DNAH14: variants seen among roughly 807,000 people sequenced by gnomAD.
The protein encoded by DNAH14 is dynein axonemal heavy chain 14, also known as axonemal beta dynein heavy chain 14.
DNAH14 carries 478 observed loss-of-function variants against 520.9 expected under a neutral mutation model. That is an observed-to-expected ratio of 0.92 (90% CI 0.85 to 0.99). DNAH14 has a LOEUF of 0.99. DNAH14 is among the 50% of genes least tolerant of loss of function. DNAH14 has a pLI of 0.00. For synonymous variants in DNAH14, 1,581 were observed against 1,757.2 expected (o/e 0.90, Z 2.51); for missense variants, 4,831 against 5,234.5 (o/e 0.92, Z 2.38).
intron 56 of DNAH14, among the ~76,000 whole-genome samples, chr1:225,301,966 G>A: frequency 6.6e-6 from 1 of 151,152 alleles, no homozygotes; most frequent in Non-Finnish European, 1.5e-5. Context: ...TACTATATTT[G>A]GTTTATTCAT....
At chr1:225,342,065 A>G (rs941284597) in intron 69 of DNAH14, among the ~76,000 whole-genome samples, 10 of 152,222 alleles carry the variant, frequency 6.6e-5, no homozygotes, top group Non-Finnish European at 1.0e-4. Context: ...AGCTCTCTAC[A>G]CAATTATAAT....
chr1:225,277,913 C>A (rs1034563125), intron 54 of DNAH14, among the ~76,000 whole-genome samples: 2 of 152,116 alleles, frequency 1.3e-5, no homozygotes, highest in Non-Finnish European at 2.9e-5. Flanking sequence ...TAGAGAAAAT[C>A]TTTTGGAAAA....
intron 42 of DNAH14, among the ~76,000 whole-genome samples, chr1:225,231,783 T>A (rs1158160563): frequency 6.6e-6 from 1 of 152,162 alleles, no homozygotes; most frequent in Non-Finnish European, 1.5e-5. Context: ...CAAACCTCCA[T>A]CATTTCTTGC....
rs778318596 is a variant in DNAH14 at position 225,377,462 on chromosome 1, T to C, written c.12716+26T>C. 2.6e-5 allele frequency: 40 copies of C among 1,526,014 alleles called. No individual in the cohort carries two copies. The South Asian group carries it at 4.6e-4, about 18-fold the overall frequency. 94.5% of individuals were successfully genotyped at this position (1,526,014 alleles called of 1,614,324 possible). On this transcript the variant is annotated intron_variant, in intron 79 of 85. Transcript: ENST00000682510. ...GTAAGAACTCGCTAGGAAAAATTGT[T>C]GGTCAAAAATTATCAGGCTGGGTCT...
chr1:225,392,403 C>A lies in DNAH14; in HGVS notation c.13443C>A (p.Phe4481Leu). 6.4e-7 allele frequency: 1 copy of A among 1,552,066 alleles called. No homozygotes were observed. The highest frequency in any genetic ancestry group is 8.7e-7 in the Non-Finnish European group (1 of 1,147,096). The change falls in exon 84 of 86, where the codon TTC becomes TTA. Residue 4481 changes from phenylalanine to leucine, a missense_variant. Physicochemically the swap from Phe to Leu is conservative, Grantham distance 22. Transcript: ENST00000682510. ...ISNTTDKDEKFSVFMPKKLNI... is the reference protein window; with the variant it reads ...ISNTTDKDEKLSVFMPKKLNI... ...ACACCACTGACAAGGATGAGAAGTT[C>A]TCCGTATTTATGCCAAAGAAACTCA...
intron 41 of DNAH14, among the ~76,000 whole-genome samples, chr1:225,224,816 G>A (rs890873498): frequency 9.9e-5 from 15 of 152,276 alleles, no homozygotes; most frequent in Admixed American, 8.5e-4. Flanking sequence ...TGGCCCTGGA[G>A]GCCTATTCTG....
At chr1:225,186,034 CTA>C (rs1161380203) in intron 37 of DNAH14, among the ~76,000 whole-genome samples, 3 of 131,804 alleles carry the variant, frequency 2.3e-5, no homozygotes, top group Non-Finnish European at 3.1e-5. Context: ...ATGTAATAAA[CTA>C]TGTTGATTTA....
Position 225,367,858 on chromosome 1 carries a change from A to G in DNAH14, c.12144A>G (p.Gly4048=). 1 of 1,551,542 alleles carries G rather than the reference A, an allele frequency of 6.4e-7. No homozygotes were observed. The highest frequency in any genetic ancestry group is 8.7e-7 in the Non-Finnish European group (1 of 1,146,864). Reference sequence around the variant, plus strand: ...AAAGTAACTTACTTCAGACATTTGGATGTACTGGGAGTGGAGAGGTAACAG... The same window carrying G: ...AAAGTAACTTACTTCAGACATTTGGGTGTACTGGGAGTGGAGAGGTAACAG... ...GLKSNLLQTF[G]CTGSGEVTEE... Residue 4048 remains glycine, a synonymous_variant, in exon 77 of 86, where the codon GGA becomes GGG. Transcript: ENST00000682510.
At chr1:225,078,843 C>T (rs10915772) in intron 17 of DNAH14, among the ~76,000 whole-genome samples, 1,340 of 51,584 alleles carry the variant, frequency 0.026, 46 homozygotes, top group African/African-American at 0.04. Flanking sequence ...TCTCTCTCTC[C>T]CTCTCTCTCT....
chr1:225,170,346 C>A lies in DNAH14; in HGVS notation c.5535+2318C>A, dbSNP rs557315055. ...TGGCAAATTGGATAAAGAGTCAAGA[C>A]CCATCAGTGTGCTGTATTCAGGAGA... On this transcript the variant is annotated intron_variant, in intron 36 of 85. Coordinates refer to ENST00000682510, the MANE Select transcript of DNAH14 (RefSeq NM_001367479.1). 6.9e-4 allele frequency among the ~76,000 whole-genome samples: 105 copies of A among 152,188 alleles called. 1 individual carries two copies. The highest frequency in any genetic ancestry group is 6.7e-4 in the African/African-American group (28 of 41,516).
intron 54 of DNAH14, among the ~76,000 whole-genome samples, chr1:225,281,954 C>A (rs1238202500): frequency 6.6e-6 from 1 of 151,496 alleles, no homozygotes; most frequent in Non-Finnish European, 1.5e-5. Flanking sequence ...GAGGGTAGAT[C>A]TTAATATTCA....
At chr1:225,127,886 T>A (rs539236375) in intron 27 of DNAH14, among the ~76,000 whole-genome samples, 26 of 152,310 alleles carry the variant, frequency 1.7e-4, no homozygotes, top group South Asian at 1.0e-3. Context: ...CTTCAGGAGC[T>A]CTTTTAGGGC....
At chr1:224,984,245 T>C (rs1168593601) in intron 8 of DNAH14, among the ~76,000 whole-genome samples, 2 of 152,164 alleles carry the variant, frequency 1.3e-5, no homozygotes, top group Non-Finnish European at 2.9e-5. Context: ...CCTGAATACT[T>C]ACAGTCAACT....
At chr1:225,085,407 A>G in intron 20 of DNAH14, 137 bp from the exon 21 acceptor site, 2 of 753,388 alleles carry the variant, frequency 2.7e-6, no homozygotes, top group Non-Finnish European at 4.3e-6. Flanking sequence ...GTTGCTGGTA[A>G]GGATATAAAC....
chr1:225,193,703 A>T (rs552827670), intron 38 of DNAH14, among the ~76,000 whole-genome samples: 80 of 152,290 alleles, frequency 5.3e-4, no homozygotes, highest in Middle Eastern at 3.4e-3. Flanking sequence ...TAGCCAGAGC[A>T]ATCAGGCAAT....
chr1:225,230,069 T>C (rs552452764), intron 41 of DNAH14, among the ~76,000 whole-genome samples: 6 of 152,278 alleles, frequency 3.9e-5, no homozygotes, highest in African/African-American at 1.2e-4. Flanking sequence ...GCTAAAAATA[T>C]CCATATACTC....
chr1:225,077,456 G>A (rs2072436337), intron 17 of DNAH14, among the ~76,000 whole-genome samples: 1 of 151,310 alleles, frequency 6.6e-6, no homozygotes, highest in South Asian at 2.1e-4. Context: ...ATATGAGATT[G>A]GAATTATTTG....
intron 41 of DNAH14, among the ~76,000 whole-genome samples, chr1:225,212,221 C>A (rs2088553125): frequency 1.3e-5 from 2 of 151,932 alleles, no homozygotes; most frequent in African/African-American, 4.8e-5. Context: ...CATGTCCCTA[C>A]AAAGGACATG....
At chr1:225,382,644 G>T (rs1207756841) in intron 81 of DNAH14, among the ~76,000 whole-genome samples, 1 of 151,830 alleles carries the variant, frequency 6.6e-6, no homozygotes, top group Non-Finnish European at 1.5e-5. Flanking sequence ...AACCCAGAAG[G>T]CAGAGGTTGC....
Sources: gnomAD v4.1 joint callset for allele counts (sites outside exome capture counted in the v4.1 genomes callset) on GRCh38, gnomAD v4.1.1 for gene constraint, MANE v1.5 for transcripts, NCBI Gene and HGNC (gene_info 2026-07-23, HGNC 2026-07-21) for gene names.